THUMPD3: variants seen among roughly 807,000 people sequenced by gnomAD.
THUMPD3 encodes THUMP domain 3 tRNA guanosine methyltransferase.
THUMPD3 carries 44 observed loss-of-function variants against 54.5 expected under a neutral mutation model. The ratio of observed to expected loss-of-function variants is 0.81; its 90% CI spans 0.63 to 1.04. The LOEUF (loss-of-function observed/expected upper bound fraction) is 1.04, where lower values mean the gene tolerates loss of function less well. Ranked by LOEUF, THUMPD3 falls within the 50% of genes least tolerant of loss-of-function variation. The pLI, the probability that THUMPD3 is intolerant of heterozygous loss-of-function variation, is 0.00. For missense variants in THUMPD3, 604 were observed against 601.3 expected (o/e 1.00, Z -0.05); for synonymous variants, 196 against 201.4 (o/e 0.97, Z 0.23).
Position 9,371,516 on chromosome 3 carries a change from A to G in THUMPD3, c.787A>G (p.Met263Val), listed in dbSNP as rs1353584977. 6.8e-6 allele frequency: 11 copies of G among 1,613,018 alleles called. No individual in the cohort carries two copies. The highest frequency in any genetic ancestry group is 1.3e-5 in the African/African-American group (1 of 74,916). The change falls in exon 4 of 10, where the codon ATG (methionine) becomes GTG (valine). Residue 263 changes from methionine (M) to valine (V), a missense_variant. Transcript: ENST00000452837. ...AGATTATTTTAAGTGGAAGGCCGAC[A>G]TGACCAACTTTGATGTGGAGGTAGG... is the stretch of plus-strand genomic sequence containing the variant. Reference protein sequence around the residue: ...VQDYFKWKADMTNFDVEVLLN... With the variant: ...VQDYFKWKADVTNFDVEVLLN...
chr3:9,381,056 C>G (rs2032848687), intron 7 of THUMPD3, among the ~76,000 whole-genome samples: 1 of 152,128 alleles, frequency 6.6e-6, no homozygotes, highest in Non-Finnish European at 1.5e-5. Context: ...CTTGGCCTCC[C>G]TAGTAGCTAG....
chr3:9,381,062 G>T (rs895832061), intron 7 of THUMPD3, among the ~76,000 whole-genome samples: 3 of 152,110 alleles, frequency 2.0e-5, no homozygotes, highest in Non-Finnish European at 2.9e-5. Flanking sequence ...CTCCCTAGTA[G>T]CTAGGAATAC....
chr3:9,370,681 A>G (rs1457945621), intron 3 of THUMPD3, among the ~76,000 whole-genome samples: 1 of 152,196 alleles, frequency 6.6e-6, no homozygotes, highest in African/African-American at 2.4e-5. Context: ...CCTAAGTTCA[A>G]GTGATCCACT....
intron 8 of THUMPD3, 62 bp from the exon 9 acceptor site, chr3:9,384,150 C>A: frequency 6.4e-7 from 1 of 1,568,926 alleles, no homozygotes; most frequent in Non-Finnish European, 8.6e-7. Context: ...GTTTTTGTTT[C>A]ATATAGTCCT....
intron 3 of THUMPD3, among the ~76,000 whole-genome samples, chr3:9,368,696 G>A (rs964718656): frequency 6.6e-6 from 1 of 152,068 alleles, no homozygotes; most frequent in Non-Finnish European, 1.5e-5. Flanking sequence ...ACAAATCTGT[G>A]ATTTATATGG....
At chr3:9,372,093 T>C (rs1454760824) in intron 4 of THUMPD3, among the ~76,000 whole-genome samples, 1 of 152,162 alleles carries the variant, frequency 6.6e-6, no homozygotes, top group Non-Finnish European at 1.5e-5. Context: ...GCCAGGCTGG[T>C]CTCAAACTCC....
intron 5 of THUMPD3, among the ~76,000 whole-genome samples, chr3:9,376,920 G>A (rs2032499554): frequency 6.6e-6 from 1 of 152,166 alleles, no homozygotes; most frequent in African/African-American, 2.4e-5. Context: ...GGTCCTTACT[G>A]AGGATTCTGT....
At chr3:9,372,518 T>G (rs2125318034) in intron 4 of THUMPD3, among the ~76,000 whole-genome samples, 1 of 151,918 alleles carries the variant, frequency 6.6e-6, no homozygotes. Context: ...AGGTGGAGGT[T>G]GCAGTGAGCC....
At chr3:9,383,008 C>G in intron 7 of THUMPD3, 191 bp from the exon 8 acceptor site, 1 of 469,618 alleles carries the variant, frequency 2.1e-6, no homozygotes, top group Non-Finnish European at 3.9e-6. Flanking sequence ...ATTATAGGCA[C>G]AAGCTACCAT....
At chr3:9,363,447 T>G (rs1278511334) in intron 1 of THUMPD3, 1 of 152,268 alleles carries the variant, frequency 6.6e-6, no homozygotes, top group Non-Finnish European at 1.5e-5. Context: ...TCACAGTGAC[T>G]GTCAGCTTTT....
chr3:9,378,240 T>A (rs2032626692), intron 6 of THUMPD3, among the ~76,000 whole-genome samples: 1 of 152,216 alleles, frequency 6.6e-6, no homozygotes, highest in African/African-American at 2.4e-5. Context: ...AAGGCAATTT[T>A]CTTCTCTGTA....
rs1253641577 is a variant in THUMPD3 at position 9,364,998 on chromosome 3, T to C, written c.-53-18T>C. On this transcript the variant is annotated intron_variant, in intron 1 of 9. Transcript: ENST00000452837. ...ATGAGATGATAATATTTGGGCTTTA[T>C]TTCTTTTTCTTTTAAAGGACAGTAC... The C allele has an allele frequency of 5.9e-6, 9 of 1,535,882 alleles. No homozygotes were observed. The highest frequency in any genetic ancestry group is 7.9e-6 in the Non-Finnish European group (9 of 1,141,692).
At chr3:9,370,918 A>G in intron 3 of THUMPD3, 142 bp from the exon 4 acceptor site, 1 of 685,070 alleles carries the variant, frequency 1.5e-6, no homozygotes, top group South Asian at 2.0e-5. Context: ...GGGACTTTTG[A>G]GCATCTTTGG....
intron 3 of THUMPD3, among the ~76,000 whole-genome samples, chr3:9,369,235 G>A (rs535562248): frequency 2.0e-5 from 3 of 149,330 alleles, no homozygotes; most frequent in Admixed American, 6.7e-5. Flanking sequence ...ACTTGAACCC[G>A]GGAGGCAGAA....
intron 4 of THUMPD3, among the ~76,000 whole-genome samples, chr3:9,373,400 G>GT (rs1181697541): frequency 6.6e-6 from 1 of 152,114 alleles, no homozygotes; most frequent in Non-Finnish European, 1.5e-5. Flanking sequence ...GGAGGCTGAA[G>GT]TAAGAGATTG....
intron 6 of THUMPD3, among the ~76,000 whole-genome samples, chr3:9,379,473 C>G (rs772621978): frequency 1.3e-5 from 2 of 152,190 alleles, no homozygotes. Context: ...CTACTCACCC[C>G]TAAGCAGAGG....
At chr3:9,378,753 A>G (rs1010637874) in intron 6 of THUMPD3, among the ~76,000 whole-genome samples, 5 of 152,236 alleles carry the variant, frequency 3.3e-5, no homozygotes, top group African/African-American at 1.2e-4. Context: ...AGAAGTCTAC[A>G]TGTGACTGTG....
In THUMPD3 at chr3:9,366,866, C is replaced by T. The variant is rs762837865; in HGVS notation, c.253-42C>T. ...TTAATTGTTGATAGCTTGTGCTGTT[C>T]AAAAGCTTTCTCAGAAATGTGTTTC... On this transcript the variant is annotated intron_variant, in intron 2 of 9. Coordinates refer to ENST00000452837, the MANE Select transcript of THUMPD3 (RefSeq NM_001114092.2). The T allele has an allele frequency of 2.6e-6, 4 of 1,544,562 alleles. No homozygotes were observed. The South Asian group carries it at 3.5e-5, about 14-fold the overall frequency.
At chr3:9,376,592 G>T (rs1163567514) in intron 5 of THUMPD3, among the ~76,000 whole-genome samples, 1 of 152,232 alleles carries the variant, frequency 6.6e-6, no homozygotes, top group Non-Finnish European at 1.5e-5. Context: ...CAAGGAGATA[G>T]AGCAGGACCA....
Sources: gnomAD v4.1 joint callset for allele counts (sites outside exome capture counted in the v4.1 genomes callset) on GRCh38, gnomAD v4.1.1 for gene constraint, MANE v1.5 for transcripts, NCBI Gene and HGNC (gene_info 2026-07-23, HGNC 2026-07-21) for gene names.